Variants in RBFOX1 observed in about 807,000 individuals in gnomAD.
The protein encoded by RBFOX1 is RNA binding fox-1 homolog 1, also known as RNA binding protein fox-1 homolog 1.
A neutral mutation model predicts 57.7 loss-of-function variants in RBFOX1; 8 were observed. The observed-to-expected ratio is 0.14, with a 90% CI of 0.08 to 0.25. The LOEUF (loss-of-function observed/expected upper bound fraction) is 0.25, where lower values mean the gene tolerates loss of function less well. RBFOX1 is among the 10% of genes least tolerant of loss of function. The probability of loss-of-function intolerance (pLI) is 1.00; values close to 1 mark genes in which losing one functional copy is unlikely to be tolerated. For synonymous variants in RBFOX1, 326 were observed against 222.4 expected, an observed-to-expected ratio of 1.47 and a Z score of -4.15; for missense variants, 611 against 548.5, an observed-to-expected ratio of 1.11 and a Z score of -1.14.
intron 1 of RBFOX1, among the ~76,000 whole-genome samples, chr16:6,210,662 G>A (rs1393653350): frequency 6.6e-6 from 1 of 151,960 alleles, no homozygotes; most frequent in Non-Finnish European, 1.5e-5. Context: ...GGTTGAGGCT[G>A]CATTGAGCTG....
intron 4 of RBFOX1, among the ~76,000 whole-genome samples, chr16:7,076,096 C>A (rs1034317493): frequency 6.6e-6 from 1 of 150,484 alleles, no homozygotes; most frequent in Non-Finnish European, 1.5e-5. Flanking sequence ...GGCTGGACTG[C>A]CATGGCGCGA....
chr16:5,456,540 G>A (rs1197138107), intron 1 of RBFOX1, among the ~76,000 whole-genome samples: 1 of 151,676 alleles, frequency 6.6e-6, no homozygotes, highest in Admixed American at 6.6e-5. Context: ...TATTTAATAT[G>A]CCCACCCACT....
At chr16:7,045,906 C>T (rs1031308679) in intron 3 of RBFOX1, among the ~76,000 whole-genome samples, 6 of 152,160 alleles carry the variant, frequency 3.9e-5, no homozygotes, top group Non-Finnish European at 8.8e-5. Context: ...GATCTGCCCA[C>T]CTCGGCCTCC....
At chr16:5,333,551 C>A (rs1465679809) in intron 1 of RBFOX1, among the ~76,000 whole-genome samples, 1 of 152,226 alleles carries the variant, frequency 6.6e-6, no homozygotes, top group Non-Finnish European at 1.5e-5. Context: ...TGAAGCACAG[C>A]AGACGTAGAA....
intron 3 of RBFOX1, among the ~76,000 whole-genome samples, chr16:6,986,545 G>C (rs189297949): frequency 2.6e-5 from 4 of 152,126 alleles, no homozygotes; most frequent in African/African-American, 7.2e-5. Context: ...ACCTGCCTTG[G>C]CTTCCCAAAG....
intron 2 of RBFOX1, among the ~76,000 whole-genome samples, chr16:6,517,121 A>C (rs1598695739): frequency 6.6e-6 from 1 of 152,118 alleles, no homozygotes; most frequent in African/African-American, 2.4e-5. Flanking sequence ...GTTGTGGGCC[A>C]CTTGTGACCA....
At chr16:6,818,181 G>C (rs1240995725) in intron 3 of RBFOX1, among the ~76,000 whole-genome samples, 1 of 152,148 alleles carries the variant, frequency 6.6e-6, no homozygotes, top group African/African-American at 2.4e-5. Flanking sequence ...TCCTGCCACA[G>C]GGATCCTGCT....
intron 1 of RBFOX1, among the ~76,000 whole-genome samples, chr16:6,251,081 G>C (rs1404649786): frequency 1.3e-5 from 2 of 152,106 alleles, no homozygotes; most frequent in East Asian, 3.9e-4. Flanking sequence ...CTTAATGAGA[G>C]CTTGTCATGA....
chr16:6,919,126 C>T (rs1457115000), intron 3 of RBFOX1, among the ~76,000 whole-genome samples: 2 of 151,984 alleles, frequency 1.3e-5, no homozygotes, highest in Admixed American at 6.6e-5. Context: ...ATTACAGGCA[C>T]CTGCCATCGT....
chr16:5,554,769 G>A (rs1257259424), intron 2 of RBFOX1, among the ~76,000 whole-genome samples: 1 of 152,206 alleles, frequency 6.6e-6, no homozygotes, highest in Non-Finnish European at 1.5e-5. Flanking sequence ...AGGAATGAAT[G>A]CTTGACACTG....
At chr16:6,137,344 G>A (rs1451465880) in intron 1 of RBFOX1, among the ~76,000 whole-genome samples, 4 of 151,956 alleles carry the variant, frequency 2.6e-5, no homozygotes, top group Admixed American at 2.6e-4. Context: ...TGCTCTTATC[G>A]CCCAGGGTGG....
At chr16:7,131,038 T>C (rs1321731309) in intron 4 of RBFOX1, among the ~76,000 whole-genome samples, 2 of 152,194 alleles carry the variant, frequency 1.3e-5, no homozygotes, top group East Asian at 3.9e-4. Context: ...GAATTGCCTT[T>C]TTAATCATAA....
chr16:7,179,172 T>C (rs1158856939), intron 4 of RBFOX1, among the ~76,000 whole-genome samples: 4 of 151,912 alleles, frequency 2.6e-5, no homozygotes, highest in African/African-American at 9.7e-5. Context: ...GGGTAGGAGG[T>C]TGGGATAAAA....
At chr16:7,145,056 G>T (rs577778866) in intron 4 of RBFOX1, among the ~76,000 whole-genome samples, 5 of 152,240 alleles carry the variant, frequency 3.3e-5, no homozygotes, top group Admixed American at 1.3e-4. Context: ...GGATGTGACT[G>T]GTCTGCTCTT....
intron 11 of RBFOX1, among the ~76,000 whole-genome samples, chr16:7,633,882 A>C (rs1024482917): frequency 6.6e-6 from 1 of 152,204 alleles, no homozygotes; most frequent in African/African-American, 2.4e-5. Flanking sequence ...TGGCTTGGCA[A>C]CATTCACTTA....
At chr16:7,179,083 AC>A (rs1416215764) in intron 4 of RBFOX1, among the ~76,000 whole-genome samples, 1 of 152,152 alleles carries the variant, frequency 6.6e-6, no homozygotes, top group Non-Finnish European at 1.5e-5. Context: ...TAATTAATGT[AC>A]AAAGTTCAAC....
intron 2 of RBFOX1, among the ~76,000 whole-genome samples, chr16:6,393,726 T>A (rs550576515): frequency 6.6e-6 from 1 of 152,316 alleles, no homozygotes; most frequent in East Asian, 1.9e-4. Flanking sequence ...CACTTTTCTT[T>A]AAGGAAAGGC....
chr16:7,049,095 G>T (rs1159484582), intron 3 of RBFOX1, among the ~76,000 whole-genome samples: 4 of 152,144 alleles, frequency 2.6e-5, no homozygotes, highest in African/African-American at 9.7e-5. Flanking sequence ...TAAAAATACT[G>T]TTTGGGGGTG....
rs1021325567 is a variant in RBFOX1 at position 7,712,748 on chromosome 16, T to TA, written c.*2007dup. 3.7e-4 allele frequency: 56 copies of TA among 152,180 alleles called. No homozygotes were observed. Among genetic ancestry groups the TA allele is most frequent in the African/African-American group, 1.3e-3 (53 of 41,446 alleles). The allele number at this position is 152,180 out of a possible 1,614,324, so 9.4% of individuals were successfully genotyped here. A position where few individuals can be genotyped will look rare whatever the true frequency, so the allele number is the denominator to read the frequency against. ...GATGTTCTTAAAGGAAACGAATTAT[T>TA]AAAACACTATGACATCCTCCAGAGG... On this transcript the variant is annotated 3_prime_UTR_variant, in exon 16 of 16. Coordinates refer to ENST00000550418, the MANE Select transcript of RBFOX1 (RefSeq NM_018723.4).
Sources: allele counts gnomAD v4.1 joint callset (sites outside exome capture counted in the v4.1 genomes callset), GRCh38; gene constraint gnomAD v4.1.1; transcripts MANE v1.5; gene names NCBI Gene and HGNC (gene_info 2026-07-23, HGNC 2026-07-21).